Variants in TMEM177 observed in about 807,000 individuals in gnomAD.
TMEM177 encodes the protein transmembrane protein 177.
In TMEM177, 4 loss-of-function variants were observed where a neutral mutation model predicts 14.2. The observed-to-expected ratio is 0.28, with a 90% CI of 0.14 to 0.64. TMEM177 has a LOEUF of 0.64. TMEM177 is among the 30% of genes least tolerant of loss of function. The probability of loss-of-function intolerance (pLI) is 0.82; values close to 1 mark genes in which losing one functional copy is unlikely to be tolerated. For missense variants in TMEM177, 344 were observed against 405.2 expected (o/e 0.85, Z 1.30); for synonymous variants, 179 against 174.5 (o/e 1.03, Z -0.20).
At chr2:119,695,539 G>A in the TMEM177 span, among the ~76,000 whole-genome samples, 2 of 152,172 alleles carry the variant, frequency 1.3e-5, no homozygotes, top group East Asian at 1.9e-4. Flanking sequence ...AGTGGGTGGG[G>A]GATATGGGAG....
chr2:119,684,126 C>T (rs564932619), downstream of TMEM177, among the ~76,000 whole-genome samples: 2 of 152,332 alleles, frequency 1.3e-5, no homozygotes, highest in East Asian at 3.9e-4. Context: ...ACCGCATCTC[C>T]TGCCCATCCG....
downstream of TMEM177, among the ~76,000 whole-genome samples, chr2:119,690,291 G>A (rs13420430): frequency 0.015 from 2,289 of 152,216 alleles, 53 homozygotes; most frequent in African/African-American, 0.053. Flanking sequence ...GGACGTGCCT[G>A]CTTCCCCTTC....
chr2:119,722,382 T>TAA, the TMEM177 span, among the ~76,000 whole-genome samples: 227 of 143,542 alleles, frequency 1.6e-3, no homozygotes, highest in African/African-American at 4.9e-3. Flanking sequence ...ATCCTGTTTC[T>TAA]AAAAAAAAAA....
At chr2:119,708,764 C>T in the TMEM177 span, among the ~76,000 whole-genome samples, 1 of 152,100 alleles carries the variant, frequency 6.6e-6, no homozygotes, top group Admixed American at 6.6e-5. Flanking sequence ...AGTTTTGGTC[C>T]ACAGCCCTTC....
downstream of TMEM177, among the ~76,000 whole-genome samples, chr2:119,682,287 C>T (rs557590253): frequency 7.2e-5 from 11 of 152,220 alleles, no homozygotes; most frequent in Admixed American, 6.5e-4. Flanking sequence ...CGCCCAGCCT[C>T]CTTCTTGGTC....
chr2:119,683,704 C>T (rs1194039408), downstream of TMEM177, among the ~76,000 whole-genome samples: 1 of 152,224 alleles, frequency 6.6e-6, no homozygotes, highest in Non-Finnish European at 1.5e-5. Context: ...CCAGTCCTCA[C>T]ACAAGCCTTA....
chr2:119,685,893 A>C (rs542218069), downstream of TMEM177: 1 of 583,096 alleles, frequency 1.7e-6, no homozygotes, highest in Non-Finnish European at 3.0e-6. Flanking sequence ...TATTTTTATT[A>C]GGAAAAAATA....
chr2:119,696,982 A>G, the TMEM177 span, among the ~76,000 whole-genome samples: 1 of 151,950 alleles, frequency 6.6e-6, no homozygotes, highest in Non-Finnish European at 1.5e-5. Flanking sequence ...CTCTCCAGCT[A>G]CTCCGGTCTC....
Position 119,681,048 on chromosome 2 carries a change from C to G in TMEM177, c.195C>G (p.Phe65Leu). The G allele has an allele frequency of 1.2e-6, 2 of 1,614,232 alleles. No homozygotes were observed. Among genetic ancestry groups the G allele is most frequent in the South Asian group, 2.2e-5 (2 of 91,086 alleles). The change falls in exon 2 of 2, where the codon TTC becomes TTG. Residue 65 changes from phenylalanine to leucine, a missense_variant. Coordinates refer to ENST00000272521, the MANE Select transcript of TMEM177 (RefSeq NM_030577.3). Reference sequence around the variant, plus strand: ...TCCCTCCACAGCTGCAGAGCCTCTTCCAAGAGGTGCTACAGGACATAGGTG... The same window carrying G: ...TCCCTCCACAGCTGCAGAGCCTCTTGCAAGAGGTGCTACAGGACATAGGTG... ...APLPPQLQSLFQEVLQDIGVP... is the reference protein window; with the variant it reads ...APLPPQLQSLLQEVLQDIGVP...
At chr2:119,686,251 A>T (rs1689013595), downstream of TMEM177, 1 of 133,444 alleles carries the variant, frequency 7.5e-6, no homozygotes, top group Admixed American at 8.2e-5. Flanking sequence ...GAGCCTGGTG[A>T]GGGCATATAG....
chr2:119,706,243 C>T, the TMEM177 span, among the ~76,000 whole-genome samples: 1 of 152,072 alleles, frequency 6.6e-6, no homozygotes, highest in African/African-American at 2.4e-5. Flanking sequence ...CCAGGCTGGT[C>T]TTGAACTCCT....
the TMEM177 span, among the ~76,000 whole-genome samples, chr2:119,717,946 G>C: frequency 6.6e-6 from 1 of 152,050 alleles, no homozygotes; most frequent in Non-Finnish European, 1.5e-5. Context: ...AGGAGGATGT[G>C]CCTGATACGT....
At chr2:119,715,004 G>T in the TMEM177 span, among the ~76,000 whole-genome samples, 1 of 152,206 alleles carries the variant, frequency 6.6e-6, no homozygotes, top group Non-Finnish European at 1.5e-5. Context: ...TGCTACAAGT[G>T]CTAGGAACCA....
rs1688920057 is a variant in TMEM177, at chr2:119,682,005, A to G, written c.*216A>G. On this transcript the variant is annotated 3_prime_UTR_variant, in exon 2 of 2. Transcript: ENST00000272521. ...ATGAATCTGAGCCTTTGTTTCTTGAACTGTAAAGTGGAGATGATGTAAACC... is the reference window on the plus strand; with the variant it reads ...ATGAATCTGAGCCTTTGTTTCTTGAGCTGTAAAGTGGAGATGATGTAAACC... The G allele has an allele frequency of 1.8e-6, 1 of 558,282 alleles. No individual in the cohort carries two copies. The highest frequency in any genetic ancestry group is 1.9e-5 in the African/African-American group (1 of 53,320). 34.6% of individuals were successfully genotyped at this position (558,282 alleles called of 1,614,324 possible). A position where few individuals can be genotyped will look rare whatever the true frequency, so the allele number is the denominator to read the frequency against.
downstream of TMEM177, chr2:119,685,951 AAAGGGAC>A (rs1689007426): frequency 1.9e-6 from 1 of 519,606 alleles, no homozygotes; most frequent in East Asian, 3.3e-5. Flanking sequence ...AACTGAAGAG[AAAGGGAC>A]AACCAGCCTA....
At chr2:119,684,712 A>G (rs1204926519), downstream of TMEM177, among the ~76,000 whole-genome samples, 3 of 152,074 alleles carry the variant, frequency 2.0e-5, no homozygotes, top group Non-Finnish European at 4.4e-5. Flanking sequence ...CCTGTTTCCC[A>G]CCTTGGGACT....
chr2:119,692,497 G>A, the TMEM177 span, among the ~76,000 whole-genome samples: 1 of 152,238 alleles, frequency 6.6e-6, no homozygotes. Flanking sequence ...TCGGCGCTGG[G>A]GTGGCCCTCC....
At chr2:119,688,938 G>C (rs1411455180), downstream of TMEM177, among the ~76,000 whole-genome samples, 1 of 152,196 alleles carries the variant, frequency 6.6e-6, no homozygotes, top group Non-Finnish European at 1.5e-5. Flanking sequence ...TGGAGCGTGG[G>C]GACAGTACTG....
the TMEM177 span, among the ~76,000 whole-genome samples, chr2:119,719,879 G>A: frequency 1.3e-5 from 2 of 152,088 alleles, no homozygotes; most frequent in African/African-American, 2.4e-5. Context: ...CTGCAGATTC[G>A]AACTCCAGGG....
Sources: gnomAD v4.1 joint callset for allele counts (sites outside exome capture counted in the v4.1 genomes callset) on GRCh38, gnomAD v4.1.1 for gene constraint, MANE v1.5 for transcripts, NCBI Gene and HGNC (gene_info 2026-07-23, HGNC 2026-07-21) for gene names.